ANKRD28: variants seen among roughly 807,000 people sequenced by gnomAD.
ANKRD28 encodes the protein serine/threonine-protein phosphatase 6 regulatory ankyrin repeat subunit A.
A neutral mutation model predicts 126.5 loss-of-function variants in ANKRD28; 44 were observed. The observed-to-expected ratio is 0.35, with a 90% CI of 0.27 to 0.45. The LOEUF (loss-of-function observed/expected upper bound fraction) is 0.45, where lower values mean the gene tolerates loss of function less well. Ranked by LOEUF, ANKRD28 falls within the 20% of genes least tolerant of loss-of-function variation. The pLI is 1.00. For synonymous variants in ANKRD28, 442 were observed against 468.5 expected (o/e 0.94, Z 0.73); for missense variants, 1,110 against 1,316.6 (o/e 0.84, Z 2.43).
intron 17 of ANKRD28, among the ~76,000 whole-genome samples, chr3:15,691,226 C>T (rs1360130935): frequency 1.3e-5 from 2 of 151,792 alleles, no homozygotes; most frequent in Non-Finnish European, 2.9e-5. Flanking sequence ...TGGGTTCAAG[C>T]GATTCTCCTG....
At chr3:15,675,468 G>A (rs1575086606) in intron 27 of ANKRD28, among the ~76,000 whole-genome samples, 1 of 152,122 alleles carries the variant, frequency 6.6e-6, no homozygotes, top group Non-Finnish European at 1.5e-5. Flanking sequence ...CAGGAAGAGA[G>A]CGAAAAATGT....
rs190607651 is a variant in ANKRD28 at position 15,754,706 on chromosome 3, C to T, written c.281-2886G>A. ...TGCATAAAGAAACCCTACAGGAATG[C>T]TAAGATATTAATGAGAGGGGGTGCT... is the stretch of plus-strand genomic sequence containing the variant. On this transcript the variant is annotated intron_variant, in intron 3 of 27. Coordinates refer to ENST00000683139, the MANE Select transcript of ANKRD28 (RefSeq NM_001349278.2). Among the ~76,000 whole-genome samples, 32 of 152,166 alleles carry T rather than the reference C, an allele frequency of 2.1e-4. No individual in the cohort carries two copies. In the East Asian group the frequency reaches 2.7e-3, roughly 13 times the overall value.
At chr3:15,714,303 T>C (rs981087483) in intron 9 of ANKRD28, among the ~76,000 whole-genome samples, 1 of 152,026 alleles carries the variant, frequency 6.6e-6, no homozygotes, top group Admixed American at 6.6e-5. Context: ...TAGAAAGTAA[T>C]TTTCTATTTA....
At chr3:15,824,978 G>A (rs1446741213) in intron 1 of ANKRD28, among the ~76,000 whole-genome samples, 1 of 152,292 alleles carries the variant, frequency 6.6e-6, no homozygotes, top group Non-Finnish European at 1.5e-5. Context: ...ATATATTGGG[G>A]GTGAGGGGTA....
intron 3 of ANKRD28, among the ~76,000 whole-genome samples, chr3:15,759,682 AAC>A (rs1435302012): frequency 1.3e-5 from 2 of 152,222 alleles, no homozygotes; most frequent in Non-Finnish European, 2.9e-5. Flanking sequence ...ACAATAAGGA[AAC>A]AGTTACAACC....
At chr3:15,744,397 T>C (rs938890477) in intron 4 of ANKRD28, among the ~76,000 whole-genome samples, 3 of 152,106 alleles carry the variant, frequency 2.0e-5, no homozygotes, top group African/African-American at 7.2e-5. Flanking sequence ...CACTGCCACG[T>C]CTGCCTCCCA....
intron 18 of ANKRD28, 107 bp from the exon 19 acceptor site, chr3:15,686,416 GAATTT>G: frequency 3.5e-6 from 3 of 848,568 alleles, no homozygotes; most frequent in South Asian, 3.3e-5. Flanking sequence ...TAGTTGCACT[GAATTT>G]AATATGCAAG....
chr3:15,740,299 G>T (rs1042313615), intron 4 of ANKRD28, among the ~76,000 whole-genome samples: 8 of 152,090 alleles, frequency 5.3e-5, no homozygotes, highest in Non-Finnish European at 7.4e-5. Flanking sequence ...CTGGGATAAA[G>T]GTTACACAGG....
rs925558378 is a variant in ANKRD28 at position 15,670,144 on chromosome 3, C to T, written c.*126G>A. The T allele has an allele frequency of 2.3e-5, 25 of 1,094,268 alleles. No homozygotes were observed. Among genetic ancestry groups the T allele is most frequent in the Middle Eastern group, 2.8e-4 (1 of 3,542 alleles). The allele number at this position is 1,094,268 out of a possible 1,614,324, so 67.8% of individuals were successfully genotyped here. Reference sequence around the variant, plus strand: ...TCTTCCTCCTAATGCCATCAGATCTCTTAACATTGGCTCACTGTGGGATCT... The same window carrying T: ...TCTTCCTCCTAATGCCATCAGATCTTTTAACATTGGCTCACTGTGGGATCT... On this transcript the variant is annotated 3_prime_UTR_variant, in exon 28 of 28. Coordinates refer to ENST00000683139, the MANE Select transcript of ANKRD28 (RefSeq NM_001349278.2).
At chr3:15,744,828 A>T (rs111897651) in intron 4 of ANKRD28, among the ~76,000 whole-genome samples, 6 of 152,160 alleles carry the variant, frequency 3.9e-5, no homozygotes, top group African/African-American at 7.2e-5. Context: ...ACTGTTTTCC[A>T]TAATGGTTGT....
Position 15,830,622 on chromosome 3 carries a change from G to A in ANKRD28, c.27+28755C>T, listed in dbSNP as rs1220997781. ...GGAAAAATTGTCTTCCACGAAACTG[G>A]TCCCTGGTGCCAAAAACACTGGGGA... On this transcript the variant is annotated intron_variant, in intron 1 of 27. Coordinates refer to the ANKRD28 transcript ENST00000399451. This position sits in a 1 kb window ranked among gnomAD's most constrained non-coding sequence, Gnocchi z 4.5. Among the ~76,000 whole-genome samples the A allele has an allele frequency of 1.1e-4, 16 of 151,588 alleles. No individual in the cohort carries two copies. The highest frequency in any genetic ancestry group is 1.8e-4 in the Non-Finnish European group (12 of 67,914).
At chr3:15,859,813 A>T (rs1223804573), upstream of ANKRD28, 1 of 150,946 alleles carries the variant, frequency 6.6e-6, no homozygotes, top group Non-Finnish European at 1.5e-5. Flanking sequence ...AAACTCCACA[A>T]TATTACCACC....
chr3:15,832,930 T>C (rs1368298225), intron 1 of ANKRD28, among the ~76,000 whole-genome samples: 4 of 151,590 alleles, frequency 2.6e-5, no homozygotes, highest in Non-Finnish European at 4.4e-5. Context: ...TTCTTTCCCT[T>C]AGGGTATATT....
chr3:15,676,013 G>GTACACATATGTGCATGTGCATGCACA, intron 26 of ANKRD28, 24 bp from the exon 27 acceptor site: 1 of 1,588,792 alleles, frequency 6.3e-7, no homozygotes, highest in Non-Finnish European at 8.6e-7. Flanking sequence ...CATGATACAT[G>GTACACATATGTGCATGTGCATGCACA]TACACATATG....
chr3:15,670,917 AC>A (rs751080226), intron 27 of ANKRD28, among the ~76,000 whole-genome samples: 17 of 152,204 alleles, frequency 1.1e-4, no homozygotes, highest in Non-Finnish European at 2.4e-4. Flanking sequence ...GCAGAGATTT[AC>A]TGTTAATTTG....
At chr3:15,751,090 G>GT (rs1405316553) in intron 4 of ANKRD28, among the ~76,000 whole-genome samples, 1 of 151,778 alleles carries the variant, frequency 6.6e-6, no homozygotes, top group African/African-American at 2.4e-5. Flanking sequence ...CAGCTGAGTA[G>GT]TTTTTCATGA....
At chr3:15,767,799 A>G (rs2058819598) in intron 2 of ANKRD28, among the ~76,000 whole-genome samples, 2 of 146,956 alleles carry the variant, frequency 1.4e-5, no homozygotes, top group Non-Finnish European at 3.0e-5. Flanking sequence ...GAGGCAGGAG[A>G]ATAGCATGAA....
intron 3 of ANKRD28, chr3:15,756,431 T>C (rs1015454577): frequency 1.2e-6 from 1 of 867,470 alleles, no homozygotes; most frequent in African/African-American, 1.8e-5. Context: ...AATGTCTAGC[T>C]ATTCGGAAAT....
At chr3:15,698,336 G>A (rs6442539) in intron 14 of ANKRD28, among the ~76,000 whole-genome samples, 109,574 of 151,906 alleles carry the variant, frequency 0.72, 39,718 homozygotes, top group East Asian at 0.93. Context: ...GCACAAGACA[G>A]GGATGCCCTC....
Sources: gnomAD v4.1 joint callset for allele counts (sites outside exome capture counted in the v4.1 genomes callset) on GRCh38, gnomAD v4.1.1 for gene constraint, Gnocchi (gnomAD v3.1) non-coding constraint, MANE v1.5 for transcripts, NCBI Gene and HGNC (gene_info 2026-07-23, HGNC 2026-07-21) for gene names.